Variants in PCSK2 observed in about 807,000 individuals in gnomAD.
PCSK2 encodes the protein neuroendocrine convertase 2.
In PCSK2, 14 loss-of-function variants were observed where a neutral mutation model predicts 69.7. The observed-to-expected ratio is 0.20, with a 90% CI of 0.13 to 0.31. PCSK2 has a LOEUF of 0.31. Among genes scored for constraint, PCSK2 ranks in the 10% least tolerant of loss-of-function variants. The pLI is 1.00. For synonymous variants in PCSK2, 307 were observed against 320.7 expected (o/e 0.96, Z 0.46); for missense variants, 544 against 842.5 (o/e 0.65, Z 4.39).
At chr20:17,452,858 G>A (rs960780900) in intron 8 of PCSK2, among the ~76,000 whole-genome samples, 2 of 152,218 alleles carry the variant, frequency 1.3e-5, no homozygotes, top group African/African-American at 2.4e-5. Flanking sequence ...CAAGGAAAAG[G>A]ATTTTTAAGA....
At chr20:17,231,732 G>A (rs573362763) in intron 1 of PCSK2, among the ~76,000 whole-genome samples, 4 of 152,282 alleles carry the variant, frequency 2.6e-5, no homozygotes, top group East Asian at 3.9e-4. Context: ...TCCTCTGCTC[G>A]AGTCTTCACA....
At chr20:17,424,178 C>T (rs2032193849) in intron 6 of PCSK2, among the ~76,000 whole-genome samples, 4 of 152,008 alleles carry the variant, frequency 2.6e-5, no homozygotes, top group Admixed American at 2.6e-4. Context: ...ATAAATAAAT[C>T]ACAGCATATT....
chr20:17,353,928 A>T (rs1377069032), intron 2 of PCSK2, among the ~76,000 whole-genome samples: 1 of 152,232 alleles, frequency 6.6e-6, no homozygotes, highest in Non-Finnish European at 1.5e-5. Flanking sequence ...GTCCTCACTT[A>T]TAAGTGGGAA....
intron 9 of PCSK2, among the ~76,000 whole-genome samples, chr20:17,455,588 C>T (rs1008557949): frequency 5.3e-5 from 8 of 152,154 alleles, no homozygotes; most frequent in African/African-American, 1.2e-4. Flanking sequence ...CTTTCCTCTT[C>T]GGGAATGCCT....
intron 5 of PCSK2, among the ~76,000 whole-genome samples, chr20:17,395,491 G>A (rs1485020009): frequency 6.6e-6 from 1 of 152,118 alleles, no homozygotes; most frequent in African/African-American, 2.4e-5. Flanking sequence ...AATGCTTTCT[G>A]AGTCAGAAGG....
chr20:17,402,304 G>C (rs1181132287), intron 5 of PCSK2, among the ~76,000 whole-genome samples: 1 of 152,216 alleles, frequency 6.6e-6, no homozygotes, highest in Non-Finnish European at 1.5e-5. Flanking sequence ...TCTGTTTAGT[G>C]TTTAGAACCT....
At chr20:17,361,383 T>C (rs2030389944) in intron 4 of PCSK2, among the ~76,000 whole-genome samples, 1 of 152,246 alleles carries the variant, frequency 6.6e-6, no homozygotes, top group African/African-American at 2.4e-5. Context: ...TGAAAACCAA[T>C]GGGCTTGATG....
chr20:17,415,627 A>G (rs1189696576), intron 6 of PCSK2, among the ~76,000 whole-genome samples: 6 of 152,212 alleles, frequency 3.9e-5, no homozygotes, highest in African/African-American at 1.4e-4. Context: ...TGTAGATTCA[A>G]TGCCATCCCC....
At chr20:17,408,989 G>A (rs2031813757) in intron 5 of PCSK2, among the ~76,000 whole-genome samples, 1 of 152,232 alleles carries the variant, frequency 6.6e-6, no homozygotes, top group African/African-American at 2.4e-5. Context: ...AACTTGAAAG[G>A]AAGACAGTCC....
intron 2 of PCSK2, among the ~76,000 whole-genome samples, chr20:17,347,848 G>GAAAGAAAC (rs1990700693): frequency 9.1e-6 from 1 of 110,104 alleles, no homozygotes; most frequent in Non-Finnish European, 1.9e-5. Flanking sequence ...AAGAAAGAAA[G>GAAAGAAAC]AAAGAAAGAA....
chr20:17,453,941 A>G lies in PCSK2; in HGVS notation c.1085A>G (p.Asn362Ser). 6.2e-7 allele frequency: 1 copy of G among 1,614,130 alleles called. No individual in the cohort carries two copies. Among genetic ancestry groups the G allele is most frequent in the Non-Finnish European group, 8.5e-7 (1 of 1,180,018 alleles). The change falls in exon 9 of 12, where the codon AAC (asparagine) becomes AGC (serine). Residue 362 changes from asparagine (N) to serine (S), a missense_variant. Asn to Ser is a conservative substitution (Grantham distance 46). Around this residue, in one of 3 missense-constraint regions of PCSK2, gnomAD observed 187 missense variants for 399.8 expected, o/e 0.47. Coordinates refer to ENST00000262545, the MANE Select transcript of PCSK2 (RefSeq NM_002594.5). This position sits in a 1 kb window ranked among gnomAD's most constrained non-coding sequence, Gnocchi z 4.0. ...ASTFSNGRKR[N>S]PEAGVATTDL... is the part of the protein sequence containing the mutation. Reference sequence around the variant, plus strand: ...ACCTTCAGCAACGGGAGGAAAAGGAACCCCGAGGCCGGTGTGGTGAGCACG... The same window carrying G: ...ACCTTCAGCAACGGGAGGAAAAGGAGCCCCGAGGCCGGTGTGGTGAGCACG...
chr20:17,371,061 C>T (rs2030746012), intron 5 of PCSK2, among the ~76,000 whole-genome samples: 1 of 152,220 alleles, frequency 6.6e-6, no homozygotes, highest in Admixed American at 6.5e-5. Flanking sequence ...TGGAGTTCTG[C>T]TCACTTTCCC....
chr20:17,435,229 A>G (rs1017979827), intron 7 of PCSK2, among the ~76,000 whole-genome samples: 1 of 152,218 alleles, frequency 6.6e-6, no homozygotes, highest in African/African-American at 2.4e-5. Context: ...AATGCCAGAT[A>G]TTTATTCACC....
At chr20:17,398,523 C>CAAA (rs36062712) in intron 5 of PCSK2, among the ~76,000 whole-genome samples, 1,089 of 84,992 alleles carry the variant, frequency 0.013, 28 homozygotes, top group South Asian at 0.017. Flanking sequence ...GATCCTGTCT[C>CAAA]AAAAAAAAAA....
At chr20:17,314,814 A>G (rs1158492434) in intron 2 of PCSK2, among the ~76,000 whole-genome samples, 1 of 152,204 alleles carries the variant, frequency 6.6e-6, no homozygotes, top group African/African-American at 2.4e-5. Context: ...TTGCCACTTA[A>G]CATTATCAGA....
intron 2 of PCSK2, among the ~76,000 whole-genome samples, chr20:17,273,110 A>G (rs1207050557): frequency 6.6e-6 from 1 of 152,170 alleles, no homozygotes; most frequent in East Asian, 1.9e-4. Context: ...ACTCAAGTGT[A>G]GACCAAACCA....
intron 2 of PCSK2, among the ~76,000 whole-genome samples, chr20:17,306,659 T>A (rs948329865): frequency 2.0e-5 from 3 of 152,198 alleles, no homozygotes; most frequent in African/African-American, 7.2e-5. Context: ...TTCTCATTAT[T>A]GCTCCATCTA....
At chr20:17,479,557 T>G (rs1259010043) in intron 11 of PCSK2, 3 of 291,032 alleles carry the variant, frequency 1.0e-5, no homozygotes, top group African/African-American at 6.6e-5. Context: ...CTCAGCACTT[T>G]GGGAGGCCGA....
At chr20:17,391,906 G>GAGGAAGGAAGGAAGGAAGGATGGA (rs2031385267) in intron 5 of PCSK2, among the ~76,000 whole-genome samples, 1 of 99,966 alleles carries the variant, frequency 1.0e-5, no homozygotes. Flanking sequence ...GAAAGAGAGA[G>GAGGAAGGAAGGAAGGAAGGATGGA]AGGAAGGAAG....
Sources: gnomAD v4.1 joint callset for allele counts (sites outside exome capture counted in the v4.1 genomes callset) on GRCh38, gnomAD v4.1.1 for gene constraint, gnomAD v4.1.1 regional missense constraint, Gnocchi (gnomAD v3.1) non-coding constraint, MANE v1.5 for transcripts, NCBI Gene and HGNC (gene_info 2026-07-23, HGNC 2026-07-21) for gene names.